FHIT: variants seen among roughly 807,000 people sequenced by gnomAD.
FHIT encodes the protein bis(5'-adenosyl)-triphosphatase.
In FHIT, 19 loss-of-function variants were observed where a neutral mutation model predicts 17.9. That is an observed-to-expected ratio of 1.06 (90% CI 0.74 to 1.56). The LOEUF is 1.56. Ranked by LOEUF, FHIT falls within the 40% of genes most tolerant of loss-of-function variation. The pLI is 0.00. For synonymous variants in FHIT, 81 were observed against 69.7 expected, an observed-to-expected ratio of 1.16 and a Z score of -0.81; for missense variants, 248 against 189.2, an observed-to-expected ratio of 1.31 and a Z score of -1.82.
intron 5 of FHIT, among the ~76,000 whole-genome samples, chr3:60,325,406 C>G (rs1468412890): frequency 6.6e-6 from 1 of 152,160 alleles, no homozygotes; most frequent in East Asian, 1.9e-4. Flanking sequence ...CTTTACACAT[C>G]TGTCAGCATA....
At chr3:60,038,362 A>T (rs963840362) in intron 5 of FHIT, among the ~76,000 whole-genome samples, 2 of 152,176 alleles carry the variant, frequency 1.3e-5, no homozygotes, top group African/African-American at 4.8e-5. Flanking sequence ...AGCCTATTAT[A>T]TTAGGAATAA....
At chr3:60,569,751 ATATATT>A (rs1412092124) in intron 4 of FHIT, among the ~76,000 whole-genome samples, 1 of 69,782 alleles carries the variant, frequency 1.4e-5, no homozygotes, top group African/African-American at 6.1e-5. Context: ...ATATATATAT[ATATATT>A]TTTTTTTTTT....
intron 3 of FHIT, among the ~76,000 whole-genome samples, chr3:60,940,385 C>G (rs1445523683): frequency 2.0e-5 from 3 of 149,336 alleles, no homozygotes; most frequent in Non-Finnish European, 2.9e-5. Flanking sequence ...ATTTTCAAAG[C>G]TGCAATGTAA....
chr3:61,144,409 T>C (rs773397634), intron 2 of FHIT, among the ~76,000 whole-genome samples: 22 of 152,252 alleles, frequency 1.4e-4, no homozygotes, highest in Non-Finnish European at 2.1e-4. Context: ...CATTCCATTA[T>C]AGGAATATGC....
Position 60,714,520 on chromosome 3 carries a change from T to C in FHIT, c.-18+107399A>G, listed in dbSNP as rs547411552. Reference sequence around the variant, plus strand: ...TTCCTGTTTGCAGATGACATGATTGTATATCTAGAAAACCCCATTGCCTCA... The same window carrying C: ...TTCCTGTTTGCAGATGACATGATTGCATATCTAGAAAACCCCATTGCCTCA... On this transcript the variant is annotated intron_variant, in intron 4 of 9. Transcript: ENST00000492590. Among the ~76,000 whole-genome samples, 9 of 152,324 alleles carry C rather than the reference T, an allele frequency of 5.9e-5. No individual in the cohort carries two copies. In the East Asian group the frequency reaches 1.7e-3, roughly 29 times the overall value.
At chr3:61,185,992 C>T (rs1028749868) in intron 2 of FHIT, among the ~76,000 whole-genome samples, 4 of 152,108 alleles carry the variant, frequency 2.6e-5, no homozygotes, top group African/African-American at 9.7e-5. Context: ...TTTTTATCCA[C>T]AAAACAAAGA....
At chr3:60,455,908 G>C (rs2032060145) in intron 5 of FHIT, among the ~76,000 whole-genome samples, 2 of 152,114 alleles carry the variant, frequency 1.3e-5, no homozygotes, top group Admixed American at 6.6e-5. Context: ...CCTATTATTA[G>C]AAAAATATGT....
intron 5 of FHIT, among the ~76,000 whole-genome samples, chr3:60,314,283 G>A (rs1283263192): frequency 6.6e-6 from 1 of 152,074 alleles, no homozygotes; most frequent in African/African-American, 2.4e-5. Flanking sequence ...TGACTACAGA[G>A]GGCAAATTCA....
chr3:60,542,501 C>T (rs1197122162), intron 4 of FHIT, among the ~76,000 whole-genome samples: 2 of 152,116 alleles, frequency 1.3e-5, no homozygotes, highest in Non-Finnish European at 2.9e-5. Context: ...GGTAAAATGG[C>T]GTCTCTTCCT....
intron 3 of FHIT, among the ~76,000 whole-genome samples, chr3:60,835,659 A>T (rs1553743683): frequency 6.6e-6 from 1 of 152,154 alleles, no homozygotes; most frequent in Non-Finnish European, 1.5e-5. Flanking sequence ...GTTGGAGTGC[A>T]GTGGCACACA....
At chr3:59,753,081 C>T (rs1432399044) in intron 8 of FHIT, among the ~76,000 whole-genome samples, 1 of 151,922 alleles carries the variant, frequency 6.6e-6, no homozygotes, top group Non-Finnish European at 1.5e-5. Context: ...TTGCCACCAA[C>T]CCATAATCCC....
chr3:60,616,117 C>CACAAAAACA (rs2038943509), intron 4 of FHIT, among the ~76,000 whole-genome samples: 1 of 152,112 alleles, frequency 6.6e-6, no homozygotes, highest in South Asian at 2.1e-4. Flanking sequence ...TCTTCTATTC[C>CACAAAAACA]ACATGCTTTG....
intron 8 of FHIT, among the ~76,000 whole-genome samples, chr3:59,913,692 C>A (rs768439264): frequency 8.2e-4 from 124 of 152,062 alleles, no homozygotes; most frequent in Non-Finnish European, 4.6e-4. Flanking sequence ...GCAAAGACTG[C>A]GAACTATAGT....
At chr3:61,093,164 A>C (rs2106819661) in intron 2 of FHIT, among the ~76,000 whole-genome samples, 1 of 152,326 alleles carries the variant, frequency 6.6e-6, no homozygotes, top group South Asian at 2.1e-4. Context: ...TGAGGACTTG[A>C]TATAATGCAT....
At chr3:60,619,993 C>T (rs981105375) in intron 4 of FHIT, among the ~76,000 whole-genome samples, 8 of 151,822 alleles carry the variant, frequency 5.3e-5, no homozygotes, top group Non-Finnish European at 1.2e-4. Context: ...TAAAAATGGG[C>T]AAAAGACTTG....
intron 5 of FHIT, among the ~76,000 whole-genome samples, chr3:60,405,970 G>A (rs548554444): frequency 2.0e-5 from 3 of 152,134 alleles, no homozygotes; most frequent in Non-Finnish European, 4.4e-5. Flanking sequence ...AAGTGGTGAG[G>A]CTTAAGATAA....
chr3:60,492,128 T>G (rs1279132565), intron 5 of FHIT, among the ~76,000 whole-genome samples: 18 of 152,224 alleles, frequency 1.2e-4, no homozygotes, highest in Admixed American at 1.2e-3. Flanking sequence ...CTTGTTCACA[T>G]AATCTTTAAA....
intron 2 of FHIT, among the ~76,000 whole-genome samples, chr3:61,150,769 C>T (rs1160029440): frequency 6.6e-6 from 1 of 151,878 alleles, no homozygotes; most frequent in African/African-American, 2.4e-5. Context: ...AAAATCCCAC[C>T]ACCGACAGCA....
chr3:60,313,709 C>T (rs1306773201), intron 5 of FHIT, among the ~76,000 whole-genome samples: 2 of 138,548 alleles, frequency 1.4e-5, no homozygotes, highest in Non-Finnish European at 3.1e-5. Flanking sequence ...TCAGGCTTCC[C>T]GGGGGGAGCA....
Sources: allele counts gnomAD v4.1 joint callset (sites outside exome capture counted in the v4.1 genomes callset), GRCh38; gene constraint gnomAD v4.1.1; transcripts MANE v1.5; gene names NCBI Gene and HGNC (gene_info 2026-07-23, HGNC 2026-07-21).